The following C1orf141 variants were observed in gnomAD, a reference collection of about 807,000 sequenced individuals.
The protein encoded by C1orf141 is chromosome 1 open reading frame 141, also known as uncharacterized protein C1orf141.
C1orf141 carries 19 observed loss-of-function variants against 23.2 expected under a neutral mutation model. That is an observed-to-expected ratio of 0.82 (90% confidence interval 0.57 to 1.20). The LOEUF is 1.20. C1orf141 is among the 50% of genes most tolerant of loss of function. The probability of loss-of-function intolerance (pLI) is 0.00; values close to 1 mark genes in which losing one functional copy is unlikely to be tolerated. For synonymous variants in C1orf141, 153 were observed against 154.6 expected, an observed-to-expected ratio of 0.99 and a Z score of 0.08; for missense variants, 469 against 455.1, an observed-to-expected ratio of 1.03 and a Z score of -0.28.
rs1362440132 is a variant in C1orf141, at chr1:67,093,147, C to T, written c.1061G>A (p.Gly354Glu). 6.2e-7 allele frequency: 1 copy of T among 1,613,720 alleles called. No homozygotes were observed. Among genetic ancestry groups the T allele is most frequent in the African/African-American group, 1.3e-5 (1 of 74,870 alleles). The change falls in exon 8 of 8, where the codon GGA becomes GAA. Residue 354 changes from glycine to glutamate, a missense_variant. Physicochemically the swap from Gly to Glu is moderately conservative, Grantham distance 98 (BLOSUM62 -2). Around this residue, in one of 3 missense-constraint regions of C1orf141, gnomAD observed 370 missense variants for 348.1 expected, o/e 1.06. Transcript: ENST00000684719. ...TGKFERMFSA[G>E]KPTSIPTSSA... ...GGATGTGGGTATGCTCGTTGGTTTTCCTGCAGAAAACATTCTTTCAAATTT... is the reference window on the plus strand; with the variant it reads ...GGATGTGGGTATGCTCGTTGGTTTTTCTGCAGAAAACATTCTTTCAAATTT...
chr1:67,122,973 G>C (rs888362251), intron 4 of C1orf141: 1 of 152,000 alleles, frequency 6.6e-6, no homozygotes, highest in Admixed American at 6.6e-5. Context: ...GTCAGGCCTC[G>C]GGTGGATCAC....
chr1:67,126,144 G>C (rs77411458), intron 3 of C1orf141, among the ~76,000 whole-genome samples: 1 of 152,182 alleles, frequency 6.6e-6, no homozygotes, highest in East Asian at 1.9e-4. Context: ...TAAAATGTGG[G>C]GGTAGGACTT....
In C1orf141 at chr1:67,110,194, T is replaced by G. The variant is rs1225311529; in HGVS notation, c.346+5158A>C. ...ATATATACTTGACCTAGGGAAGAAG[T>G]GTGGAAGATAGTTGGAAGACAGGAT... On this transcript the variant is annotated intron_variant, in intron 5 of 7. Coordinates refer to ENST00000684719, the MANE Select transcript of C1orf141 (RefSeq NM_001276351.2). Among the ~76,000 whole-genome samples the G allele has an allele frequency of 2.0e-5, 3 of 151,980 alleles. No individual in the cohort carries two copies. The South Asian group carries it at 6.2e-4, about 32-fold the overall frequency.
chr1:67,114,973 C>G (rs549063204), intron 5 of C1orf141, among the ~76,000 whole-genome samples: 1 of 152,260 alleles, frequency 6.6e-6, no homozygotes, highest in Non-Finnish European at 1.5e-5. Context: ...AGCGTGCCCA[C>G]CCAGCCAGAT....
At chr1:67,137,715 C>T (rs529021637), upstream of C1orf141, among the ~76,000 whole-genome samples, 5 of 152,312 alleles carry the variant, frequency 3.3e-5, no homozygotes, top group South Asian at 1.0e-3. Context: ...GCATAACATT[C>T]CTAGGGCCCA....
In C1orf141 at chr1:67,093,601, G is replaced by C; in HGVS notation, c.607C>G (p.Gln203Glu). The C allele has an allele frequency of 1.3e-6, 2 of 1,546,202 alleles. No individual in the cohort carries two copies. Among genetic ancestry groups the C allele is most frequent in the Non-Finnish European group, 1.7e-6 (2 of 1,148,736 alleles). The change falls in exon 8 of 8, where the codon CAA (glutamine) becomes GAA (glutamate). Residue 203 changes from glutamine to glutamate, a missense_variant. Around this residue, in one of 3 missense-constraint regions of C1orf141, gnomAD observed 370 missense variants for 348.1 expected, o/e 1.06. Transcript: ENST00000684719. Reference protein sequence around the residue: ...PTKTVTSHMEQKDTNPIIFHD... With the variant: ...PTKTVTSHMEEKDTNPIIFHD... ...AAAATTATGGGATTTGTGTCCTTTT[G>C]TTCCTGTAGATTAAAGAAAAGAATA... is the stretch of plus-strand genomic sequence containing the variant.
chr1:67,121,470 A>C lies in C1orf141; in HGVS notation c.233+4282T>G, dbSNP rs972365107. 12 of 152,346 alleles carry C rather than the reference A, an allele frequency of 7.9e-5. No homozygotes were observed. In the East Asian group the frequency reaches 1.7e-3, roughly 22 times the overall value. 9.4% of individuals were successfully genotyped at this position (152,346 alleles called of 1,614,324 possible). On this transcript the variant is annotated intron_variant, in intron 4 of 7. Coordinates refer to ENST00000684719, the MANE Select transcript of C1orf141 (RefSeq NM_001276351.2). ...CCCGTTGTCAATTTCTACCAATGTGATATAATTAAATGTGAAATTTGGAAG... is the reference window on the plus strand; with the variant it reads ...CCCGTTGTCAATTTCTACCAATGTGCTATAATTAAATGTGAAATTTGGAAG...
chr1:67,095,118 T>C, intron 7 of C1orf141, 117 bp downstream of exon 7: 1 of 614,078 alleles, frequency 1.6e-6, no homozygotes, highest in South Asian at 2.6e-5. Flanking sequence ...CTTTGGAATA[T>C]GAAACCAAGA....
At chr1:67,113,736 C>G in intron 5 of C1orf141, 1 of 1,267,988 alleles carries the variant, frequency 7.9e-7, no homozygotes, top group South Asian at 1.2e-5. Flanking sequence ...TAATCAGGAT[C>G]AGCCTACTTT....
intron 1 of C1orf141, among the ~76,000 whole-genome samples, chr1:67,133,771 C>G (rs919578795): frequency 1.3e-5 from 2 of 152,252 alleles, no homozygotes; most frequent in African/African-American, 4.8e-5. Context: ...GCAGCCACCA[C>G]CCCAAGCCAA....
At chr1:67,126,610 C>T (rs1373314601) in intron 3 of C1orf141, among the ~76,000 whole-genome samples, 1 of 152,204 alleles carries the variant, frequency 6.6e-6, no homozygotes, top group Non-Finnish European at 1.5e-5. Flanking sequence ...ATGAAAACAA[C>T]TGCCCCCAGC....
At chr1:67,110,369 A>G (rs1414250597) in intron 5 of C1orf141, among the ~76,000 whole-genome samples, 2 of 152,126 alleles carry the variant, frequency 1.3e-5, no homozygotes, top group African/African-American at 4.8e-5. Context: ...CAGAAGAGGA[A>G]AGTGGGGAGA....
intron 5 of C1orf141, among the ~76,000 whole-genome samples, chr1:67,113,298 A>G (rs1200999972): frequency 6.6e-6 from 1 of 151,988 alleles, no homozygotes; most frequent in African/African-American, 2.4e-5. Context: ...AATTTAAATG[A>G]AGGCCAGGGA....
intron 4 of C1orf141, among the ~76,000 whole-genome samples, chr1:67,118,047 T>C (rs779983976): frequency 1.3e-5 from 2 of 152,182 alleles, no homozygotes; most frequent in Non-Finnish European, 2.9e-5. Flanking sequence ...TACTCTTTCT[T>C]ATTCCTGAAA....
chr1:67,124,596 G>GCCTCCCAAT (rs1646367711), intron 4 of C1orf141, among the ~76,000 whole-genome samples: 1 of 152,240 alleles, frequency 6.6e-6, no homozygotes, highest in Non-Finnish European at 1.5e-5. Flanking sequence ...TAGGATTACA[G>GCCTCCCAAT]GCGTGAGCCA....
intron 5 of C1orf141, among the ~76,000 whole-genome samples, chr1:67,097,303 C>A (rs1343120423): frequency 6.6e-6 from 1 of 152,202 alleles, no homozygotes; most frequent in South Asian, 2.1e-4. Flanking sequence ...GAAGTATTTG[C>A]AGCATTCAAG....
chr1:67,114,166 G>T (rs1646138502), intron 5 of C1orf141, among the ~76,000 whole-genome samples: 1 of 151,798 alleles, frequency 6.6e-6, no homozygotes, highest in African/African-American at 2.4e-5. Context: ...ATCCAAAAGG[G>T]TTACAACCTT....
chr1:67,114,055 A>AG (rs1646136208), intron 5 of C1orf141, among the ~76,000 whole-genome samples: 1 of 152,188 alleles, frequency 6.6e-6, no homozygotes, highest in African/African-American at 2.4e-5. Context: ...ATAGAAAAAA[A>AG]CAAAAAGCTG....
At chr1:67,096,942 C>T (rs1017224749) in intron 5 of C1orf141, among the ~76,000 whole-genome samples, 2 of 152,158 alleles carry the variant, frequency 1.3e-5, no homozygotes, top group African/African-American at 4.8e-5. Flanking sequence ...TACCACAGGG[C>T]CAACTGAGCA....
Sources: gnomAD v4.1 joint callset for allele counts (sites outside exome capture counted in the v4.1 genomes callset) on GRCh38, gnomAD v4.1.1 for gene constraint, gnomAD v4.1.1 regional missense constraint, MANE v1.5 for transcripts, NCBI Gene and HGNC (gene_info 2026-07-23, HGNC 2026-07-21) for gene names.